The following JAK1 variants were observed in gnomAD, a reference collection of about 807,000 sequenced individuals.
JAK1 encodes Janus kinase 1, also known as tyrosine-protein kinase JAK1.
A neutral mutation model predicts 136.6 loss-of-function variants in JAK1; 16 were observed. The ratio of observed to expected loss-of-function variants is 0.12; its 90% CI spans 0.08 to 0.18. The LOEUF (loss-of-function observed/expected upper bound fraction) is 0.18. JAK1 is among the 10% of genes least tolerant of loss of function. The pLI is 1.00. For synonymous variants in JAK1, 492 were observed against 519.5 expected, an observed-to-expected ratio of 0.95 and a Z score of 0.72; for missense variants, 859 against 1,450.1, an observed-to-expected ratio of 0.59 and a Z score of 6.62.
intron 1 of JAK1, among the ~76,000 whole-genome samples, chr1:64,911,445 T>G (rs1211515517): frequency 6.6e-6 from 1 of 152,240 alleles, no homozygotes; most frequent in Non-Finnish European, 1.5e-5. Flanking sequence ...ATCACATACA[T>G]GTCCTCATTA....
intron 2 of JAK1, among the ~76,000 whole-genome samples, chr1:65,042,450 G>C (rs149353998): frequency 1.3e-4 from 20 of 151,440 alleles, no homozygotes; most frequent in African/African-American, 4.1e-4. Context: ...ACACACCCCA[G>C]AAATTTCTTT....
chr1:65,051,930 A>ACC (rs1055929574), intron 1 of JAK1, among the ~76,000 whole-genome samples: 1 of 152,056 alleles, frequency 6.6e-6, no homozygotes, highest in African/African-American at 2.4e-5. Flanking sequence ...AGCTTAAAGA[A>ACC]CCCAGCTGAG....
chr1:64,859,929 T>C, intron 9 of JAK1, 176 bp downstream of exon 9: 1 of 444,170 alleles, frequency 2.3e-6, no homozygotes, highest in Non-Finnish European at 4.0e-6. Flanking sequence ...AAGAGGATGG[T>C]AGGAGATTAC....
intron 2 of JAK1, among the ~76,000 whole-genome samples, chr1:64,976,588 C>T (rs1263899234): frequency 6.6e-6 from 1 of 152,190 alleles, no homozygotes; most frequent in Non-Finnish European, 1.5e-5. Context: ...CTACTTTCAG[C>T]AATGCCCTGC....
At chr1:64,983,098 G>A (rs1646564373) in intron 2 of JAK1, among the ~76,000 whole-genome samples, 1 of 152,202 alleles carries the variant, frequency 6.6e-6, no homozygotes, top group Non-Finnish European at 1.5e-5. Context: ...GGTCTGAGAT[G>A]TGTAAGCACC....
chr1:64,934,364 A>G (rs1264975222), intron 1 of JAK1, among the ~76,000 whole-genome samples: 1 of 152,204 alleles, frequency 6.6e-6, no homozygotes, highest in Non-Finnish European at 1.5e-5. Context: ...GGGGAGACTG[A>G]AGGCTGGAGG....
intron 2 of JAK1, among the ~76,000 whole-genome samples, chr1:64,884,130 A>G (rs527468401): frequency 3.9e-5 from 6 of 152,274 alleles, no homozygotes; most frequent in Admixed American, 1.3e-4. Flanking sequence ...ACTTTGACGC[A>G]GCACCAGGAG....
chr1:65,009,419 C>T (rs1210312383), intron 2 of JAK1, among the ~76,000 whole-genome samples: 1 of 152,116 alleles, frequency 6.6e-6, no homozygotes, highest in East Asian at 1.9e-4. Flanking sequence ...GTGACATTTA[C>T]ATTTTATGAC....
chr1:64,850,879 T>C lies in JAK1; in HGVS notation c.1680A>G (p.Lys560=), dbSNP rs1289704873. 1.2e-6 allele frequency: 2 copies of C among 1,614,008 alleles called. No individual in the cohort carries two copies. Among genetic ancestry groups the C allele is most frequent in the African/African-American group, 1.3e-5 (1 of 75,024 alleles). The change falls in exon 12 of 25, where the codon AAA becomes AAG. Residue 560 remains lysine, a synonymous_variant. Transcript: ENST00000342505. ...GGTAGACGGGCTGCCACTCCTGGGCTTTCTTAGTAGCCACCAGCAGGTTGG... is the reference window on the plus strand; with the variant it reads ...GGTAGACGGGCTGCCACTCCTGGGCCTTCTTAGTAGCCACCAGCAGGTTGG... ...EISNLLVATK[K]AQEWQPVYPM...
chr1:64,967,060 G>GAA (rs202230651), upstream of JAK1, among the ~76,000 whole-genome samples: 1,888 of 140,076 alleles, frequency 0.013, 43 homozygotes, highest in African/African-American at 0.047. Flanking sequence ...AGCTCTTTAC[G>GAA]AAAAAAAAAA....
At chr1:65,048,892 A>T (rs1647215985) in intron 1 of JAK1, among the ~76,000 whole-genome samples, 1 of 152,234 alleles carries the variant, frequency 6.6e-6, no homozygotes, top group African/African-American at 2.4e-5. Flanking sequence ...TGCTTTCCCA[A>T]GGGAAAAATC....
intron 2 of JAK1, among the ~76,000 whole-genome samples, chr1:64,994,156 G>A (rs1239300532): frequency 6.6e-6 from 1 of 152,198 alleles, no homozygotes; most frequent in Non-Finnish European, 1.5e-5. Flanking sequence ...GCCCAGGCTG[G>A]TCTCAAACTC....
chr1:64,944,759 G>A (rs373293047), intron 1 of JAK1, among the ~76,000 whole-genome samples: 2 of 152,140 alleles, frequency 1.3e-5, no homozygotes, highest in African/African-American at 4.8e-5. Flanking sequence ...ATACACACAC[G>A]ATTGAGAGGA....
At chr1:65,066,725 G>A (rs1648062371) in intron 1 of JAK1, 1 of 152,134 alleles carries the variant, frequency 6.6e-6, no homozygotes, top group Non-Finnish European at 1.5e-5. Flanking sequence ...GGGGACTCCG[G>A]TCTTCCTCTC....
At chr1:64,867,808 T>C (rs1324523615) in intron 6 of JAK1, among the ~76,000 whole-genome samples, 2 of 152,044 alleles carry the variant, frequency 1.3e-5, no homozygotes, top group Admixed American at 1.3e-4. Context: ...TTGACCAACA[T>C]GGAGAAACCC....
intron 1 of JAK1, among the ~76,000 whole-genome samples, chr1:64,905,672 A>G (rs1250312248): frequency 1.3e-5 from 2 of 152,154 alleles, no homozygotes; most frequent in East Asian, 3.9e-4. Flanking sequence ...CCAATCCCAT[A>G]AAATAGACTT....
At chr1:65,005,953 T>C (rs1646800644) in intron 2 of JAK1, among the ~76,000 whole-genome samples, 1 of 152,184 alleles carries the variant, frequency 6.6e-6, no homozygotes, top group Non-Finnish European at 1.5e-5. Flanking sequence ...AAGATAAATA[T>C]AATTTGTGAA....
intron 2 of JAK1, among the ~76,000 whole-genome samples, chr1:65,036,381 A>C (rs1647074983): frequency 6.6e-6 from 1 of 151,742 alleles, no homozygotes; most frequent in Non-Finnish European, 1.5e-5. Flanking sequence ...GCTGCAGTGA[A>C]CTATGATAAA....
intron 1 of JAK1, among the ~76,000 whole-genome samples, chr1:65,055,883 C>T (rs1647512082): frequency 6.6e-6 from 1 of 152,196 alleles, no homozygotes; most frequent in East Asian, 1.9e-4. Flanking sequence ...CAACACCCCA[C>T]AGGCCTGGTT....
Sources: gnomAD v4.1 joint callset for allele counts (sites outside exome capture counted in the v4.1 genomes callset) on GRCh38, gnomAD v4.1.1 for gene constraint, MANE v1.5 for transcripts, NCBI Gene and HGNC (gene_info 2026-07-23, HGNC 2026-07-21) for gene names.